Variants in ST8SIA4 observed in about 807,000 individuals in gnomAD.
The protein encoded by ST8SIA4 is ST8 alpha-N-acetyl-neuraminide alpha-2,8-sialyltransferase 4.
In ST8SIA4, 15 loss-of-function variants were observed where a neutral mutation model predicts 33.9. The ratio of observed to expected loss-of-function variants is 0.44; its 90% CI spans 0.30 to 0.68. ST8SIA4 has a LOEUF of 0.68. Ranked by LOEUF, ST8SIA4 falls within the 30% of genes least tolerant of loss-of-function variation. The probability of loss-of-function intolerance (pLI) is 0.10; values close to 1 mark genes in which losing one functional copy is unlikely to be tolerated. For missense variants in ST8SIA4, 321 were observed against 428.0 expected (o/e 0.75, Z 2.21); for synonymous variants, 171 against 151.2 (o/e 1.13, Z -0.96).
At chr5:100,886,161 C>A in intron 3 of ST8SIA4, 182 bp downstream of exon 3, 1 of 1,387,062 alleles carries the variant, frequency 7.2e-7, no homozygotes, top group Non-Finnish European at 9.3e-7. Context: ...CTTTCAACTA[C>A]GCAATAATTA....
At chr5:100,836,312 A>G (rs539280445) in intron 4 of ST8SIA4, among the ~76,000 whole-genome samples, 4 of 152,178 alleles carry the variant, frequency 2.6e-5, no homozygotes, top group Admixed American at 2.6e-4. Flanking sequence ...GGAGCTAGTA[A>G]AATGTGGAAC....
chr5:100,901,721 A>C (rs1752921572), intron 1 of ST8SIA4, among the ~76,000 whole-genome samples: 1 of 152,158 alleles, frequency 6.6e-6, no homozygotes, highest in Admixed American at 6.5e-5. Context: ...CAGAATAGCA[A>C]GTCCTTCTGT....
intron 2 of ST8SIA4, among the ~76,000 whole-genome samples, chr5:100,888,899 G>T (rs1170378597): frequency 6.6e-6 from 1 of 151,764 alleles, no homozygotes; most frequent in Non-Finnish European, 1.5e-5. Context: ...ATAATGTTAT[G>T]ATCTTTTTCC....
chr5:100,891,894 A>C (rs763640069), intron 2 of ST8SIA4, among the ~76,000 whole-genome samples: 1 of 152,094 alleles, frequency 6.6e-6, no homozygotes, highest in Admixed American at 6.6e-5. Context: ...AGTAGAAGAT[A>C]GTATAAACAT....
At chr5:100,895,595 A>T (rs1335511488) in intron 2 of ST8SIA4, 59 bp downstream of exon 2, 12 of 1,547,074 alleles carry the variant, frequency 7.8e-6, no homozygotes, top group Non-Finnish European at 1.1e-5. Context: ...AAGTTTGCCA[A>T]GCCCAACGTA....
At chr5:100,849,512 T>C in intron 4 of ST8SIA4, 1 of 961,670 alleles carries the variant, frequency 1.0e-6, no homozygotes, top group Non-Finnish European at 1.2e-6. Context: ...CTGAGCGCGG[T>C]GGCTCACGCC....
At position 100,854,363 on chromosome 5, in the gene ST8SIA4, C is replaced by G. The variant is rs536716385; in HGVS notation, c.797+1740G>C. On this transcript the variant is annotated intron_variant, in intron 4 of 4. Coordinates refer to ENST00000231461, the MANE Select transcript of ST8SIA4 (RefSeq NM_005668.6). Reference sequence around the variant, plus strand: ...CTTTGGGAGGCCGAGGTGGGTGGATCACGAAGTCAGGAGATCGAGACCATC... The same window carrying G: ...CTTTGGGAGGCCGAGGTGGGTGGATGACGAAGTCAGGAGATCGAGACCATC... Among the ~76,000 whole-genome samples the G allele has an allele frequency of 2.0e-5, 3 of 151,986 alleles. No homozygotes were observed. The East Asian group carries it at 5.8e-4, about 30-fold the overall frequency.
intron 3 of ST8SIA4, among the ~76,000 whole-genome samples, chr5:100,872,259 C>T (rs1473710960): frequency 2.0e-5 from 3 of 151,822 alleles, no homozygotes; most frequent in Admixed American, 6.6e-5. Context: ...GGGTACAGCA[C>T]GTATAGATTA....
rs1219240585 is a variant in ST8SIA4 at position 100,833,814 on chromosome 5, C to T, written c.798-21685G>A. On this transcript the variant is annotated intron_variant, in intron 4 of 4. Coordinates refer to ENST00000231461, the MANE Select transcript of ST8SIA4 (RefSeq NM_005668.6). Reference sequence around the variant, plus strand: ...CTTTTTCTTTTAATCAGTCCCCTAACTCAGTTTTGCTAGAAGGGATTCTCC... The same window carrying T: ...CTTTTTCTTTTAATCAGTCCCCTAATTCAGTTTTGCTAGAAGGGATTCTCC... Among the ~76,000 whole-genome samples the T allele has an allele frequency of 2.0e-5, 3 of 152,124 alleles. No individual in the cohort carries two copies. The East Asian group carries it at 5.8e-4, about 29-fold the overall frequency.
chr5:100,825,277 T>A (rs1414279438), intron 4 of ST8SIA4, among the ~76,000 whole-genome samples: 1 of 152,162 alleles, frequency 6.6e-6, no homozygotes, highest in Non-Finnish European at 1.5e-5. Context: ...TATTTATTTA[T>A]TTAATTATTT....
intron 4 of ST8SIA4, among the ~76,000 whole-genome samples, chr5:100,850,513 T>C (rs938568583): frequency 3.3e-5 from 5 of 152,000 alleles, no homozygotes; most frequent in Admixed American, 1.3e-4. Context: ...CATTTTGGGT[T>C]TAAATCTTTT....
intron 4 of ST8SIA4, among the ~76,000 whole-genome samples, chr5:100,847,891 C>T (rs1751601656): frequency 6.6e-6 from 1 of 152,002 alleles, no homozygotes; most frequent in African/African-American, 2.4e-5. Flanking sequence ...TCTAGCAAAA[C>T]TCTGGGAATC....
At chr5:100,818,722 G>A (rs534915350) in intron 4 of ST8SIA4, among the ~76,000 whole-genome samples, 1 of 152,180 alleles carries the variant, frequency 6.6e-6, no homozygotes, top group South Asian at 2.1e-4. Context: ...GCTCTTCATA[G>A]TATACATACA....
In ST8SIA4 at chr5:100,886,418, G is replaced by A; in HGVS notation, c.428C>T (p.Ala143Val). Reference sequence around the variant, plus strand: ...CAGAATGCCAGAATTTCCAACAACTGCACAGGTCTTAAACCTGCGATTCTT... The same window carrying A: ...CAGAATGCCAGAATTTCCAACAACTACACAGGTCTTAAACCTGCGATTCTT... ...PMKNRRFKTC[A>V]VVGNSGILLD... The change falls in exon 3 of 5, where the codon GCA becomes GTA. Residue 143 changes from alanine to valine, a missense_variant. Ala to Val is a moderately conservative substitution (Grantham distance 64). Transcript: ENST00000231461. The A allele has an allele frequency of 6.2e-7, 1 of 1,613,888 alleles. No individual in the cohort carries two copies. Among genetic ancestry groups the A allele is most frequent in the Non-Finnish European group, 8.5e-7 (1 of 1,179,836 alleles).
intron 4 of ST8SIA4, among the ~76,000 whole-genome samples, chr5:100,837,636 T>G (rs1014327649): frequency 3.9e-5 from 6 of 151,958 alleles, no homozygotes; most frequent in Non-Finnish European, 8.8e-5. Context: ...GCTTGTCATC[T>G]CCTCATTAGT....
intron 4 of ST8SIA4, among the ~76,000 whole-genome samples, chr5:100,814,584 T>C (rs1306654695): frequency 6.6e-6 from 1 of 151,866 alleles, no homozygotes; most frequent in Non-Finnish European, 1.5e-5. Flanking sequence ...AACAGATAAG[T>C]TGAAAAATAC....
At chr5:100,817,333 C>T (rs929816360) in intron 4 of ST8SIA4, among the ~76,000 whole-genome samples, 71 of 151,882 alleles carry the variant, frequency 4.7e-4, no homozygotes, top group Non-Finnish European at 5.9e-5. Context: ...CTAGAGTCAC[C>T]CCAGAAACCT....
chr5:100,898,947 G>T (rs2112486586), intron 1 of ST8SIA4, among the ~76,000 whole-genome samples: 1 of 152,272 alleles, frequency 6.6e-6, no homozygotes. Context: ...TTGGATCAAA[G>T]AAAAATTCAC....
chr5:100,814,202 T>C (rs1010484491), intron 4 of ST8SIA4, among the ~76,000 whole-genome samples: 7 of 152,054 alleles, frequency 4.6e-5, no homozygotes, highest in Non-Finnish European at 8.8e-5. Context: ...CTCCAAATTT[T>C]TTGATACAGG....
Sources: allele counts gnomAD v4.1 joint callset (sites outside exome capture counted in the v4.1 genomes callset), GRCh38; gene constraint gnomAD v4.1.1; transcripts MANE v1.5; gene names NCBI Gene and HGNC (gene_info 2026-07-23, HGNC 2026-07-21).